NELL2: variants seen among roughly 807,000 people sequenced by gnomAD.
NELL2 encodes protein kinase C-binding protein NELL2.
NELL2 carries 41 observed loss-of-function variants against 109.6 expected under a neutral mutation model. The observed-to-expected ratio is 0.37, with a 90% CI of 0.29 to 0.49. The LOEUF (loss-of-function observed/expected upper bound fraction) is 0.49. Among genes scored for constraint, NELL2 ranks in the 20% least tolerant of loss-of-function variants. The pLI, the probability that NELL2 is intolerant of heterozygous loss-of-function variation, is 0.98. For missense variants in NELL2, 900 were observed against 1,008.3 expected, an observed-to-expected ratio of 0.89 and a Z score of 1.45; for synonymous variants, 355 against 344.7, an observed-to-expected ratio of 1.03 and a Z score of -0.33.
In NELL2 at chr12:44,883,034, T is replaced by G. The variant is rs567274189; in HGVS notation, c.39-7134A>C. Among the ~76,000 whole-genome samples the G allele has an allele frequency of 8.7e-5, 13 of 149,594 alleles. No homozygotes were observed. The South Asian group carries it at 2.5e-3, about 29-fold the overall frequency. ...TTTTTTTTTTTTTTTGGATTTTTAGTAGAGCCAGGGTGTTATGTTGGCCAG... is the reference window on the plus strand; with the variant it reads ...TTTTTTTTTTTTTTTGGATTTTTAGGAGAGCCAGGGTGTTATGTTGGCCAG... On this transcript the variant is annotated intron_variant, in intron 1 of 20. Transcript: ENST00000333837.
chr12:44,709,084 C>A (rs1317161638), intron 11 of NELL2, among the ~76,000 whole-genome samples: 2 of 152,156 alleles, frequency 1.3e-5, no homozygotes, highest in Non-Finnish European at 2.9e-5. Flanking sequence ...TGACTAACTT[C>A]TACGCTATTC....
intron 1 of NELL2, among the ~76,000 whole-genome samples, chr12:44,894,748 ACT>A (rs1391357149): frequency 6.6e-6 from 1 of 152,090 alleles, no homozygotes; most frequent in African/African-American, 2.4e-5. Context: ...CCTGCTTCTA[ACT>A]CTCAATTTTA....
chr12:44,890,661 T>TC (rs995947823), intron 1 of NELL2, among the ~76,000 whole-genome samples: 2 of 152,054 alleles, frequency 1.3e-5, no homozygotes, highest in Admixed American at 6.6e-5. Context: ...CAAAATTTTC[T>TC]CCCCCCATAT....
At chr12:44,856,915 A>T (rs2136793893) in intron 2 of NELL2, among the ~76,000 whole-genome samples, 1 of 152,298 alleles carries the variant, frequency 6.6e-6, no homozygotes, top group East Asian at 1.9e-4. Flanking sequence ...GTAAGCAGGC[A>T]GATTACTTAG....
chr12:44,645,450 G>T (rs528941788), intron 13 of NELL2, among the ~76,000 whole-genome samples: 2 of 152,242 alleles, frequency 1.3e-5, no homozygotes, highest in South Asian at 4.1e-4. Flanking sequence ...CTAAAACAAA[G>T]GACATGAATA....
intron 15 of NELL2, among the ~76,000 whole-genome samples, chr12:44,536,323 G>A (rs1012237672): frequency 6.6e-6 from 1 of 151,956 alleles, no homozygotes; most frequent in Non-Finnish European, 1.5e-5. Context: ...ACATTAACAT[G>A]AATTACAACA....
At chr12:44,742,785 A>G (rs1277072024) in intron 9 of NELL2, among the ~76,000 whole-genome samples, 1 of 152,254 alleles carries the variant, frequency 6.6e-6, no homozygotes, top group East Asian at 1.9e-4. Flanking sequence ...AAAGCCTCCA[A>G]GAAAATGGGA....
intron 2 of NELL2, among the ~76,000 whole-genome samples, chr12:44,863,940 A>T (rs1944914614): frequency 6.6e-6 from 1 of 152,192 alleles, no homozygotes; most frequent in Admixed American, 6.5e-5. Context: ...TTGGCTGTAA[A>T]TGTGTAGAGT....
At chr12:44,737,470 T>A (rs976003111) in intron 9 of NELL2, among the ~76,000 whole-genome samples, 3 of 152,124 alleles carry the variant, frequency 2.0e-5, no homozygotes, top group Non-Finnish European at 4.4e-5. Flanking sequence ...TTTCTCATTT[T>A]TCATGCAACA....
chr12:44,697,677 C>T (rs933521332), intron 12 of NELL2, among the ~76,000 whole-genome samples: 4 of 152,016 alleles, frequency 2.6e-5, no homozygotes, highest in African/African-American at 7.3e-5. Flanking sequence ...TAATTATATG[C>T]ACACAATAAA....
At chr12:44,703,266 T>A (rs559843522) in intron 12 of NELL2, among the ~76,000 whole-genome samples, 1 of 152,322 alleles carries the variant, frequency 6.6e-6, no homozygotes, top group Non-Finnish European at 1.5e-5. Flanking sequence ...CTGGAGCTAT[T>A]TACTAAATAC....
chr12:44,585,812 T>G (rs1944473164), intron 15 of NELL2, among the ~76,000 whole-genome samples: 2 of 151,994 alleles, frequency 1.3e-5, no homozygotes, highest in African/African-American at 4.8e-5. Context: ...TACTGGTGTC[T>G]GGCGGCTGGG....
chr12:44,794,357 A>C (rs147626233), intron 3 of NELL2, among the ~76,000 whole-genome samples: 1 of 152,288 alleles, frequency 6.6e-6, no homozygotes, highest in African/African-American at 2.4e-5. Context: ...GAAAGGGCTC[A>C]TGTCTTCCCT....
At chr12:44,663,932 A>C (rs1196726839) in intron 13 of NELL2, among the ~76,000 whole-genome samples, 5 of 152,286 alleles carry the variant, frequency 3.3e-5, no homozygotes, top group South Asian at 4.1e-4. Flanking sequence ...AAAAATGCAC[A>C]AAGCTTTTCA....
At chr12:44,652,488 T>C (rs994702042) in intron 13 of NELL2, among the ~76,000 whole-genome samples, 1 of 152,214 alleles carries the variant, frequency 6.6e-6, no homozygotes, top group Admixed American at 6.5e-5. Flanking sequence ...ATCATTAAAG[T>C]GAGGAATTTA....
At chr12:44,729,791 GTTGT>G (rs1383658726) in intron 9 of NELL2, among the ~76,000 whole-genome samples, 1 of 151,754 alleles carries the variant, frequency 6.6e-6, no homozygotes, top group African/African-American at 2.4e-5. Context: ...TTTTTGTTTG[GTTGT>G]TTATTTATTC....
chr12:44,875,364 G>A lies in NELL2; in HGVS notation c.56-11C>T. Reference sequence around the variant, plus strand: ...CACCAAGCCCCCAAACTGGTGAGGGGTATGAGGTGGGAGAGAGAAAAAGGA... The same window carrying A: ...CACCAAGCCCCCAAACTGGTGAGGGATATGAGGTGGGAGAGAGAAAAAGGA... On this transcript the variant is annotated splice_polypyrimidine_tract_variant and intron_variant, in intron 1 of 19. Transcript: ENST00000429094. The A allele has an allele frequency of 1.2e-6, 2 of 1,614,110 alleles. No individual in the cohort carries two copies. Among genetic ancestry groups the A allele is most frequent in the Non-Finnish European group, 1.7e-6 (2 of 1,180,036 alleles).
chr12:44,789,971 G>A (rs1942319986), intron 3 of NELL2, among the ~76,000 whole-genome samples: 1 of 152,058 alleles, frequency 6.6e-6, no homozygotes, highest in South Asian at 2.1e-4. Context: ...AAGAAGTCTG[G>A]GATTATGTTA....
chr12:44,840,245 A>G (rs1283089584), intron 2 of NELL2, among the ~76,000 whole-genome samples: 3 of 152,212 alleles, frequency 2.0e-5, no homozygotes, highest in African/African-American at 7.2e-5. Context: ...TTTATTCCTC[A>G]GAGTGTCAGT....
Sources: allele counts gnomAD v4.1 joint callset (sites outside exome capture counted in the v4.1 genomes callset), GRCh38; gene constraint gnomAD v4.1.1; transcripts MANE v1.5; gene names NCBI Gene and HGNC (gene_info 2026-07-23, HGNC 2026-07-21).